Variants in TRIP4 observed in about 807,000 individuals in gnomAD.
TRIP4 encodes the protein thyroid hormone receptor interactor 4, also known as activating signal cointegrator 1.
Under a neutral mutation model 81.8 loss-of-function variants are expected in TRIP4, and 54 were observed. The ratio of observed to expected loss-of-function variants is 0.66; its 90% CI spans 0.53 to 0.83. The LOEUF (loss-of-function observed/expected upper bound fraction) is 0.83. Ranked by LOEUF, TRIP4 falls within the 40% of genes least tolerant of loss-of-function variation. TRIP4 has a pLI of 0.00. For missense variants in TRIP4, 662 were observed against 683.6 expected (o/e 0.97, Z 0.35); for synonymous variants, 270 against 242.8 (o/e 1.11, Z -1.04).
intron 1 of TRIP4, among the ~76,000 whole-genome samples, chr15:64,390,154 C>G: frequency 6.9e-6 from 1 of 145,522 alleles, no homozygotes; most frequent in Non-Finnish European, 1.5e-5. Context: ...ATATTAAATA[C>G]AGTATTAAAA....
chr15:64,396,176 T>A (rs1053252392), intron 3 of TRIP4, among the ~76,000 whole-genome samples: 1 of 151,444 alleles, frequency 6.6e-6, no homozygotes, highest in Non-Finnish European at 1.5e-5. Context: ...CCCAAAGTGC[T>A]AGGATTACAG....
At chr15:64,438,698 T>TA (rs1892454486) in intron 11 of TRIP4, among the ~76,000 whole-genome samples, 1 of 152,222 alleles carries the variant, frequency 6.6e-6, no homozygotes, top group Non-Finnish European at 1.5e-5. Flanking sequence ...GATTCCCAGT[T>TA]AGGCCTTGAA....
At chr15:64,394,474 A>G (rs1227903425) in intron 2 of TRIP4, among the ~76,000 whole-genome samples, 1 of 152,040 alleles carries the variant, frequency 6.6e-6, no homozygotes, top group Non-Finnish European at 1.5e-5. Context: ...GCATGGAGGC[A>G]GGCGCCTGTA....
In TRIP4 at chr15:64,393,881, T is replaced by C. The variant is rs939857690; in HGVS notation, c.102-65T>C. ...ATGGTTTTTACTACCTAGATCTCTGTTAAGATTACTGAGAAACAGTGTAAG... is the reference window on the plus strand; with the variant it reads ...ATGGTTTTTACTACCTAGATCTCTGCTAAGATTACTGAGAAACAGTGTAAG... On this transcript the variant is annotated intron_variant, in intron 1 of 12. Transcript: ENST00000261884. 4.8e-6 allele frequency: 7 copies of C among 1,453,252 alleles called. No homozygotes were observed. In the African/African-American group the frequency reaches 8.6e-5, roughly 18 times the overall value. The allele number at this position is 1,453,252 out of a possible 1,614,324, so 90.0% of individuals were successfully genotyped here. A position where few individuals can be genotyped will look rare whatever the true frequency, so the allele number is the denominator to read the frequency against.
intron 9 of TRIP4, among the ~76,000 whole-genome samples, chr15:64,419,788 AC>A (rs2140298043): frequency 6.6e-6 from 1 of 152,092 alleles, no homozygotes; most frequent in Non-Finnish European, 1.5e-5. Context: ...ACACCAAGAA[AC>A]CGCTGTTATT....
chr15:64,387,926 G>C lies in TRIP4; in HGVS notation c.63G>C (p.Arg21=). The stretch of plus-strand genomic sequence containing the variant: ...TGCACTGGTGCACCCAGCAGTTGCG[G>C]AAGACTTTCGGCCTGGATGTCAGCG... ...PLVHWCTQQL[R]KTFGLDVSEE... Residue 21 remains arginine, a synonymous_variant, in exon 1 of 13, where the codon CGG becomes CGC. Transcript: ENST00000261884. The C allele has an allele frequency of 6.4e-7, 1 of 1,551,240 alleles. No homozygotes were observed. Among genetic ancestry groups the C allele is most frequent in the East Asian group, 2.4e-5 (1 of 40,944 alleles).
At chr15:64,449,463 T>C (rs1462401581) in intron 12 of TRIP4, among the ~76,000 whole-genome samples, 3 of 151,834 alleles carry the variant, frequency 2.0e-5, no homozygotes, top group Non-Finnish European at 4.4e-5. Flanking sequence ...GCCTCCCAAG[T>C]AGCTGGAACT....
chr15:64,433,917 ATT>A (rs35935166), intron 11 of TRIP4, among the ~76,000 whole-genome samples: 20 of 151,252 alleles, frequency 1.3e-4, no homozygotes, highest in East Asian at 3.9e-4. Flanking sequence ...TTTGTGTGTG[ATT>A]TTTTTTTTTA....
chr15:64,437,771 G>T (rs753995992), intron 11 of TRIP4, among the ~76,000 whole-genome samples: 5 of 152,118 alleles, frequency 3.3e-5, no homozygotes, highest in Non-Finnish European at 7.3e-5. Flanking sequence ...TGGGATTACC[G>T]GCCTGAGCCA....
chr15:64,431,254 A>ATAACAG (rs1349572269), intron 11 of TRIP4, among the ~76,000 whole-genome samples: 1 of 152,138 alleles, frequency 6.6e-6, no homozygotes, highest in Non-Finnish European at 1.5e-5. Flanking sequence ...AAATATTCCG[A>ATAACAG]TAACAGCCCT....
At chr15:64,389,325 AG>A (rs754566082) in intron 1 of TRIP4, among the ~76,000 whole-genome samples, 38 of 152,320 alleles carry the variant, frequency 2.5e-4, no homozygotes, top group Non-Finnish European at 4.7e-4. Context: ...CAGTTCAAGT[AG>A]GTTATTTTAA....
At chr15:64,418,447 T>C (rs756928567) in intron 8 of TRIP4, 94 bp from the exon 9 acceptor site, 11 of 1,316,412 alleles carry the variant, frequency 8.4e-6, no homozygotes, top group Admixed American at 5.4e-5. Context: ...GTTCCCAATA[T>C]GATTTCCTCA....
intron 11 of TRIP4, among the ~76,000 whole-genome samples, chr15:64,436,189 G>C (rs1892391895): frequency 6.6e-6 from 1 of 152,070 alleles, no homozygotes; most frequent in Admixed American, 6.6e-5. Flanking sequence ...CAGCTACTCA[G>C]GAGGCTGAGG....
chr15:64,394,167 T>G, intron 2 of TRIP4, 52 bp downstream of exon 2: 1 of 1,428,106 alleles, frequency 7.0e-7, no homozygotes, highest in South Asian at 1.6e-5. Flanking sequence ...TGGGCAGGCT[T>G]AAAGAATTAT....
intron 1 of TRIP4, among the ~76,000 whole-genome samples, chr15:64,391,843 C>T (rs558769909): frequency 4.0e-5 from 6 of 151,586 alleles, no homozygotes; most frequent in South Asian, 2.1e-4. Flanking sequence ...CAGTGGTGCA[C>T]GCCTGCAATC....
rs1002998430 is a variant in TRIP4, at chr15:64,414,075, A to G, written c.1044-10A>G. The G allele has an allele frequency of 5.6e-6, 9 of 1,613,514 alleles. No individual in the cohort carries two copies. Among genetic ancestry groups the G allele is most frequent in the East Asian group, 4.5e-5 (2 of 44,870 alleles). On this transcript the variant is annotated splice_polypyrimidine_tract_variant and intron_variant, in intron 7 of 12. Coordinates refer to ENST00000261884, the MANE Select transcript of TRIP4 (RefSeq NM_016213.5). ...ACCAATTGTTGCATCCTTTTGGTTT[A>G]TTATCACAGACTAGATGAGACAATA... is the stretch of plus-strand genomic sequence containing the variant.
In TRIP4 at chr15:64,455,100, T is replaced by C. The variant is rs1892856406; in HGVS notation, c.*36T>C. 2.5e-6 allele frequency: 4 copies of C among 1,595,690 alleles called. No individual in the cohort carries two copies. In the African/African-American group the frequency reaches 5.4e-5, roughly 21 times the overall value. ...AAGGAACTATACAGCATAGTGGAGT[T>C]TTGTGTACTAAAATTGCTATCTACT... On this transcript the variant is annotated 3_prime_UTR_variant, in exon 13 of 13. Transcript: ENST00000261884.
chr15:64,427,470 G>A (rs1255398976), intron 11 of TRIP4, among the ~76,000 whole-genome samples: 2 of 151,956 alleles, frequency 1.3e-5, no homozygotes, highest in Non-Finnish European at 2.9e-5. Flanking sequence ...CTGCCTCCTG[G>A]GCTTAAGTGA....
At chr15:64,417,364 T>C (rs546561052) in intron 8 of TRIP4, among the ~76,000 whole-genome samples, 112 of 152,192 alleles carry the variant, frequency 7.4e-4, no homozygotes, top group African/African-American at 2.5e-3. Flanking sequence ...CAGGCTGGCC[T>C]TGAACTTATG....
Sources: gnomAD v4.1 joint callset for allele counts (sites outside exome capture counted in the v4.1 genomes callset) on GRCh38, gnomAD v4.1.1 for gene constraint, MANE v1.5 for transcripts, NCBI Gene and HGNC (gene_info 2026-07-23, HGNC 2026-07-21) for gene names.